Variants in C12orf42 observed in about 807,000 individuals in gnomAD.
The protein encoded by C12orf42 is chromosome 12 open reading frame 42.
C12orf42 carries 25 observed loss-of-function variants against 21.6 expected under a neutral mutation model. That is an observed-to-expected ratio of 1.16 (90% CI 0.84 to 1.62). The LOEUF (loss-of-function observed/expected upper bound fraction) is 1.62, where lower values mean the gene tolerates loss of function less well. Ranked by LOEUF, C12orf42 falls within the 40% of genes most tolerant of loss-of-function variation. The probability of loss-of-function intolerance (pLI) is 0.00; values close to 1 mark genes in which losing one functional copy is unlikely to be tolerated. For missense variants in C12orf42, 483 were observed against 459.3 expected (o/e 1.05, Z -0.47); for synonymous variants, 174 against 175.0 (o/e 0.99, Z 0.05).
chr12:103,152,146 C>T, the C12orf42 span, among the ~76,000 whole-genome samples: 1 of 152,182 alleles, frequency 6.6e-6, no homozygotes, highest in East Asian at 1.9e-4. Flanking sequence ...CTGAATTCTG[C>T]TAATGAATGA....
chr12:103,331,832 G>T (rs570059944), intron 4 of C12orf42, among the ~76,000 whole-genome samples: 52 of 152,302 alleles, frequency 3.4e-4, no homozygotes, highest in Admixed American at 9.8e-4. Flanking sequence ...GGTATCTATA[G>T]TCATTGCCCA....
the C12orf42 span, among the ~76,000 whole-genome samples, chr12:103,054,908 T>G: frequency 4.6e-5 from 7 of 151,892 alleles, no homozygotes; most frequent in African/African-American, 1.7e-4. Context: ...CAGCCTTGCA[T>G]CTCTAGAATA....
At chr12:103,463,214 A>G (rs1185265330) in intron 2 of C12orf42, among the ~76,000 whole-genome samples, 1 of 152,196 alleles carries the variant, frequency 6.6e-6, no homozygotes, top group African/African-American at 2.4e-5. Context: ...TGAGGGGTTA[A>G]GGTTTTCTAT....
At chr12:103,069,538 T>A in the C12orf42 span, among the ~76,000 whole-genome samples, 1 of 152,188 alleles carries the variant, frequency 6.6e-6, no homozygotes, top group Non-Finnish European at 1.5e-5. Context: ...ATGGCATTTA[T>A]TAAATCTTGT....
At chr12:103,155,789 G>C in the C12orf42 span, among the ~76,000 whole-genome samples, 1 of 148,274 alleles carries the variant, frequency 6.7e-6, no homozygotes, top group South Asian at 2.1e-4. Flanking sequence ...AGTAAAAATA[G>C]TACATATACA....
the C12orf42 span, among the ~76,000 whole-genome samples, chr12:103,150,776 A>T: frequency 6.6e-6 from 1 of 152,212 alleles, no homozygotes; most frequent in Non-Finnish European, 1.5e-5. Context: ...AATGATCAGA[A>T]TATTGTTGGA....
At chr12:103,287,455 C>CA (rs61101437) in intron 4 of C12orf42, among the ~76,000 whole-genome samples, 1 of 151,446 alleles carries the variant, frequency 6.6e-6, no homozygotes, top group Non-Finnish European at 1.5e-5. Context: ...ATCACAAGGA[C>CA]AAAAAAACCA....
chr12:103,437,800 G>A (rs1950860241), intron 2 of C12orf42, among the ~76,000 whole-genome samples: 1 of 138,260 alleles, frequency 7.2e-6, no homozygotes, highest in South Asian at 2.5e-4. Flanking sequence ...AGACCAGATG[G>A]ATTCACAGCC....
rs34154888 is a variant in C12orf42, at chr12:103,341,112, C to CAAAAAA, written c.259+27769_259+27774dup. ...TGGGCAACAGAGCAAGACTCTGTCTCAAAAAAAAAAAAAAAAAAAAAAAGA... is the reference window on the plus strand; with the variant it reads ...TGGGCAACAGAGCAAGACTCTGTCTCAAAAAAAAAAAAAAAAAAAAAAAAAAAAAGA... On this transcript the variant is annotated intron_variant, in intron 4 of 5. Transcript: ENST00000548883. Among the ~76,000 whole-genome samples the CAAAAAA allele has an allele frequency of 2.9e-3, 137 of 47,666 alleles. 2 individuals are homozygous for CAAAAAA. Among genetic ancestry groups the CAAAAAA allele is most frequent in the Non-Finnish European group, 3.3e-3 (82 of 24,708 alleles). The allele number at this position is 47,666 out of a possible 152,430, so 31.3% of individuals were successfully genotyped here.
intron 4 of C12orf42, among the ~76,000 whole-genome samples, chr12:103,332,497 C>T (rs1031924135): frequency 6.6e-6 from 1 of 152,234 alleles, no homozygotes; most frequent in Non-Finnish European, 1.5e-5. Flanking sequence ...GCTGTAATAG[C>T]CACCCGAGTC....
the C12orf42 span, among the ~76,000 whole-genome samples, chr12:103,535,650 T>C: frequency 6.6e-6 from 1 of 152,136 alleles, no homozygotes; most frequent in East Asian, 1.9e-4. Context: ...GGAGAATGGA[T>C]TGGAGAGAGG....
At chr12:103,402,750 C>T (rs1384893048) in intron 2 of C12orf42, among the ~76,000 whole-genome samples, 2 of 152,032 alleles carry the variant, frequency 1.3e-5, no homozygotes, top group African/African-American at 2.4e-5. Context: ...AGAAATTGGA[C>T]AAAAATGGAA....
chr12:103,054,936 G>T, the C12orf42 span, among the ~76,000 whole-genome samples: 1 of 151,828 alleles, frequency 6.6e-6, no homozygotes, highest in Non-Finnish European at 1.5e-5. Context: ...CTTGGTCATA[G>T]TGTGTCATTC....
chr12:103,549,458 T>C, the C12orf42 span: 1 of 152,188 alleles, frequency 6.6e-6, no homozygotes, highest in Non-Finnish European at 1.5e-5. Context: ...TGCACTTGTT[T>C]GTGTGTGTGC....
the C12orf42 span, among the ~76,000 whole-genome samples, chr12:103,135,340 C>A: frequency 1.1e-4 from 16 of 152,018 alleles, no homozygotes; most frequent in Non-Finnish European, 1.9e-4. Context: ...TGTCTGTAGT[C>A]CCAGCTACTC....
At chr12:103,092,040 G>A in the C12orf42 span, among the ~76,000 whole-genome samples, 1 of 152,162 alleles carries the variant, frequency 6.6e-6, no homozygotes, top group Non-Finnish European at 1.5e-5. Flanking sequence ...ATGGGGAAAA[G>A]CAGATTTTTG....
intron 10 of C12orf42, among the ~76,000 whole-genome samples, chr12:103,238,837 G>A (rs746100399): frequency 4.6e-5 from 7 of 152,148 alleles, no homozygotes; most frequent in Non-Finnish European, 7.4e-5. Flanking sequence ...AGCCAGCGAC[G>A]TGGTCTGAAT....
the C12orf42 span, among the ~76,000 whole-genome samples, chr12:103,128,413 G>A: frequency 4.2e-4 from 64 of 152,328 alleles, no homozygotes; most frequent in Non-Finnish European, 7.9e-4. Context: ...TGGTACAGCC[G>A]AAATGGCACT....
chr12:103,154,860 T>C, the C12orf42 span, among the ~76,000 whole-genome samples: 2 of 152,202 alleles, frequency 1.3e-5, no homozygotes, highest in Non-Finnish European at 2.9e-5. Flanking sequence ...GTGAGTCGAA[T>C]TTATGGATTA....
Sources: gnomAD v4.1 joint callset for allele counts (sites outside exome capture counted in the v4.1 genomes callset) on GRCh38, gnomAD v4.1.1 for gene constraint, MANE v1.5 for transcripts, NCBI Gene and HGNC (gene_info 2026-07-23, HGNC 2026-07-21) for gene names.